The following DPY19L3 variants were observed in gnomAD, a reference collection of about 807,000 sequenced individuals.
The protein encoded by DPY19L3 is protein C-mannosyl-transferase DPY19L3.
A neutral mutation model predicts 92.3 loss-of-function variants in DPY19L3; 51 were observed. The observed-to-expected ratio is 0.55, with a 90% CI of 0.44 to 0.70. DPY19L3 has a LOEUF of 0.70. Among genes scored for constraint, DPY19L3 ranks in the 30% least tolerant of loss-of-function variants. The pLI, the probability that DPY19L3 is intolerant of heterozygous loss-of-function variation, is 0.00. For synonymous variants in DPY19L3, 309 were observed against 315.2 expected (o/e 0.98, Z 0.21); for missense variants, 706 against 855.9 (o/e 0.82, Z 2.18).
At chr19:32,462,471 G>A (rs138072257) in intron 12 of DPY19L3, among the ~76,000 whole-genome samples, 145 of 152,266 alleles carry the variant, frequency 9.5e-4, no homozygotes, top group African/African-American at 3.4e-3. Context: ...CCACCGATAA[G>A]AGGGGACTAC....
At chr19:32,455,441 C>G (rs1031319668) in intron 10 of DPY19L3, among the ~76,000 whole-genome samples, 29 of 152,122 alleles carry the variant, frequency 1.9e-4, no homozygotes, top group African/African-American at 7.0e-4. Context: ...AACTTACTCA[C>G]CTTTTGTTAT....
chr19:32,453,392 A>G, intron 9 of DPY19L3, 116 bp downstream of exon 9: 1 of 1,052,550 alleles, frequency 9.5e-7, no homozygotes, highest in Non-Finnish European at 1.3e-6. Context: ...TTGCACTAAA[A>G]AGAGCACGTG....
rs1188608544 is a variant in DPY19L3 at position 32,418,783 on chromosome 19, G to A, written c.237+7411G>A. 4.6e-5 allele frequency among the ~76,000 whole-genome samples: 7 copies of A among 152,262 alleles called. No homozygotes were observed. In the East Asian group the frequency reaches 1.3e-3, roughly 29 times the overall value. On this transcript the variant is annotated intron_variant, in intron 3 of 18. Transcript: ENST00000392250. ...CTTTGATTTTATTTTTGAATACTTT[G>A]AAGTAGTTGTAATTATTCAGAGAGT...
At chr19:32,456,079 C>CTTTTTTTT (rs899726982) in intron 10 of DPY19L3, among the ~76,000 whole-genome samples, 9 of 103,396 alleles carry the variant, frequency 8.7e-5, no homozygotes, top group East Asian at 2.9e-4. Flanking sequence ...TCACTATGTT[C>CTTTTTTTT]TTTTTTTTTT....
intron 8 of DPY19L3, among the ~76,000 whole-genome samples, chr19:32,445,766 C>T (rs549354347): frequency 1.6e-3 from 240 of 152,126 alleles, no homozygotes; most frequent in African/African-American, 5.5e-3. Flanking sequence ...TTTGGGAGGA[C>T]GAGGTGGGTG....
intron 10 of DPY19L3, among the ~76,000 whole-genome samples, chr19:32,456,250 T>C (rs117508873): frequency 0.032 from 4,794 of 152,016 alleles, 95 homozygotes; most frequent in Middle Eastern, 0.089. Flanking sequence ...AATTTTTGTA[T>C]TTTTTGTAGA....
chr19:32,472,563 CTT>C (rs1970390819), intron 16 of DPY19L3, among the ~76,000 whole-genome samples: 1 of 142,498 alleles, frequency 7.0e-6, no homozygotes, highest in African/African-American at 2.6e-5. Context: ...TCTGGTGTCT[CTT>C]TCAGCAAAAG....
rs545503229 is a variant in DPY19L3, at chr19:32,428,473, A to G, written c.238-4243A>G. ...ATGGGTGAGTAGGAATAGGCAGCCA[A>G]GGAGCGGATTGGGGTCAGTGGCTGG... On this transcript the variant is annotated intron_variant, in intron 3 of 18. Coordinates refer to ENST00000392250, the MANE Select transcript of DPY19L3 (RefSeq NM_001172774.2). Among the ~76,000 whole-genome samples the G allele has an allele frequency of 2.2e-4, 34 of 152,254 alleles. 1 individual carries two copies. The South Asian group carries it at 6.6e-3, about 30-fold the overall frequency.
intron 6 of DPY19L3, among the ~76,000 whole-genome samples, chr19:32,437,857 A>T (rs1192837951): frequency 2.0e-5 from 3 of 151,802 alleles, no homozygotes; most frequent in African/African-American, 7.3e-5. Context: ...TGTTTTTTGT[A>T]GAGACAGGAT....
At chr19:32,455,755 T>C (rs1969843358) in intron 10 of DPY19L3, among the ~76,000 whole-genome samples, 1 of 152,258 alleles carries the variant, frequency 6.6e-6, no homozygotes, top group African/African-American at 2.4e-5. Flanking sequence ...GGTGCTTTGC[T>C]AAGATTTTTA....
At chr19:32,457,624 C>T (rs1383624477) in intron 10 of DPY19L3, among the ~76,000 whole-genome samples, 1 of 152,196 alleles carries the variant, frequency 6.6e-6, no homozygotes, top group Non-Finnish European at 1.5e-5. Flanking sequence ...TCCACCCCTT[C>T]AGGGTTACAA....
At chr19:32,457,976 C>A in intron 10 of DPY19L3, 124 bp from the exon 11 acceptor site, 1 of 696,754 alleles carries the variant, frequency 1.4e-6, no homozygotes, top group Non-Finnish European at 2.4e-6. Context: ...TGAACATTTA[C>A]TGATTTTGTA....
chr19:32,482,430 G>A lies in DPY19L3; in HGVS notation c.*190G>A, dbSNP rs115897646. The A allele has an allele frequency of 3.2e-4, 197 of 615,332 alleles. No individual in the cohort carries two copies. The highest frequency in any genetic ancestry group is 2.5e-3 in the African/African-American group (133 of 53,894). The allele number at this position is 615,332 out of a possible 1,614,324, so 38.1% of individuals were successfully genotyped here. ...TCTACAAGCAGAAGTCTTTTTCGTT[G>A]TGTGTCTATCTTTCTCATTAATGTT... is the stretch of plus-strand genomic sequence containing the variant. On this transcript the variant is annotated 3_prime_UTR_variant, in exon 19 of 19. Coordinates refer to ENST00000392250, the MANE Select transcript of DPY19L3 (RefSeq NM_001172774.2).
intron 10 of DPY19L3, among the ~76,000 whole-genome samples, chr19:32,456,975 A>G (rs1195788126): frequency 6.6e-6 from 1 of 152,196 alleles, no homozygotes; most frequent in Non-Finnish European, 1.5e-5. Context: ...ATCCTGGGAA[A>G]TGTAGCAAAA....
At chr19:32,434,427 C>A (rs1034216408) in intron 4 of DPY19L3, among the ~76,000 whole-genome samples, 1 of 152,106 alleles carries the variant, frequency 6.6e-6, no homozygotes, top group African/African-American at 2.4e-5. Flanking sequence ...GAGGCCGAGG[C>A]GGATGGATCA....
At chr19:32,419,520 GTGCAATCAAGGTCAC>G (rs1460065633) in intron 3 of DPY19L3, among the ~76,000 whole-genome samples, 1 of 152,012 alleles carries the variant, frequency 6.6e-6, no homozygotes, top group Admixed American at 6.6e-5. Flanking sequence ...GAGTGCAGTG[GTGCAATCAAGGTCAC>G]TGCAACCTTG....
chr19:32,472,870 A>C (rs1200417822), intron 16 of DPY19L3, among the ~76,000 whole-genome samples: 1 of 152,216 alleles, frequency 6.6e-6, no homozygotes, highest in Non-Finnish European at 1.5e-5. Flanking sequence ...TGGGTCTGAA[A>C]AAATGGACCA....
In DPY19L3 at chr19:32,484,579, C is replaced by T. The variant is rs1440742222; in HGVS notation, c.*2339C>T. On this transcript the variant is annotated 3_prime_UTR_variant, in exon 19 of 19. Coordinates refer to ENST00000392250, the MANE Select transcript of DPY19L3 (RefSeq NM_001172774.2). The stretch of plus-strand genomic sequence containing the variant: ...AGACCCTCTAAGTACAATAGAAGTG[C>T]TCTTAACGGACTCTGCCTGTGTGAC... The T allele has an allele frequency of 2.0e-5, 3 of 152,172 alleles. No homozygotes were observed. Among genetic ancestry groups the T allele is most frequent in the Non-Finnish European group, 4.4e-5 (3 of 68,044 alleles). 9.4% of individuals were successfully genotyped at this position (152,172 alleles called of 1,614,324 possible).
chr19:32,408,067 A>G, intron 1 of DPY19L3, 150 bp from the exon 2 acceptor site: 2 of 574,104 alleles, frequency 3.5e-6, no homozygotes, highest in Non-Finnish European at 3.1e-6. Context: ...CCTGAGTGAC[A>G]GTGAGACCCT....
Sources: gnomAD v4.1 joint callset for allele counts (sites outside exome capture counted in the v4.1 genomes callset) on GRCh38, gnomAD v4.1.1 for gene constraint, MANE v1.5 for transcripts, NCBI Gene and HGNC (gene_info 2026-07-23, HGNC 2026-07-21) for gene names.